Variants in PTGIR observed in about 807,000 individuals in gnomAD.
The protein encoded by PTGIR is prostacyclin receptor.
In PTGIR, 16 loss-of-function variants were observed where a neutral mutation model predicts 17.6. The ratio of observed to expected loss-of-function variants is 0.91; its 90% CI spans 0.61 to 1.38. The LOEUF is 1.38. PTGIR is among the 40% of genes most tolerant of loss of function. PTGIR has a pLI of 0.00. For missense variants in PTGIR, 532 were observed against 548.6 expected (o/e 0.97, Z 0.30); for synonymous variants, 274 against 255.4 (o/e 1.07, Z -0.69).
At chr19:46,619,561 G>A (rs530524368), downstream of PTGIR, among the ~76,000 whole-genome samples, 2,383 of 103,766 alleles carry the variant, frequency 0.023, 26 homozygotes, top group Middle Eastern at 0.052. Context: ...GAGAGAGAGA[G>A]AGAGAGAGAG....
chr19:46,623,059 G>T lies in PTGIR; in HGVS notation c.768+399C>A, dbSNP rs145322920. The stretch of plus-strand genomic sequence containing the variant: ...TGCAGTGGCACGATCTCAGCTCACT[G>T]CAACCTCCGCCTCCGGGGTTCAAGC... On this transcript the variant is annotated intron_variant, in intron 2 of 2. Coordinates refer to ENST00000291294, the MANE Select transcript of PTGIR (RefSeq NM_000960.4). 1,238 of 152,270 alleles carry T rather than the reference G, an allele frequency of 8.1e-3. 25 individuals carry two copies. Among genetic ancestry groups the T allele is most frequent in the South Asian group, 0.016 (83 of 5,044 alleles). 9.4% of individuals were successfully genotyped at this position (152,270 alleles called of 1,614,324 possible). A position where few individuals can be genotyped will look rare whatever the true frequency, so the allele number is the denominator to read the frequency against.
Position 46,620,797 on chromosome 19 carries a change from T to C in PTGIR, c.*483A>G. ...CAGCGGCAAGGGAAGGCAGGGAGCT[T>C]TTCCAATAACTGTGGTTTTTGTGGA... On this transcript the variant is annotated 3_prime_UTR_variant, in exon 3 of 3. Transcript: ENST00000291294. The C allele has an allele frequency of 1.0e-6, 1 of 986,344 alleles. No individual in the cohort carries two copies. 61.1% of individuals were successfully genotyped at this position (986,344 alleles called of 1,614,324 possible).
At chr19:46,619,551 G>GAA (rs1568675534), downstream of PTGIR, among the ~76,000 whole-genome samples, 1,364 of 66,096 alleles carry the variant, frequency 0.021, 10 homozygotes, top group East Asian at 0.027. Flanking sequence ...GAAAGAAAGA[G>GAA]AGAGAGAGAG....
intron 2 of PTGIR, 119 bp downstream of exon 2, chr19:46,623,339 A>G (rs559036068): frequency 1.6e-6 from 2 of 1,236,948 alleles, no homozygotes. Flanking sequence ...GGCGTGAGCC[A>G]CCATGCCCAC....
downstream of PTGIR, among the ~76,000 whole-genome samples, chr19:46,618,188 G>T (rs1395007798): frequency 1.3e-5 from 2 of 151,964 alleles, no homozygotes; most frequent in Non-Finnish European, 2.9e-5. Context: ...CTAATTTTTT[G>T]TATTTTTAGT....
rs1156833032 is a variant in PTGIR at position 46,624,157 on chromosome 19, C to T, written c.69G>A (p.Met23Ile). The T allele has an allele frequency of 4.6e-6, 7 of 1,515,080 alleles. No homozygotes were observed. Among genetic ancestry groups the T allele is most frequent in the Non-Finnish European group, 5.3e-6 (6 of 1,139,800 alleles). The allele number at this position is 1,515,080 out of a possible 1,614,324, so 93.9% of individuals were successfully genotyped here. The change falls in exon 2 of 3, where the codon ATG becomes ATA. Residue 23 changes from methionine to isoleucine, a missense_variant. Transcript: ENST00000291294. The stretch of plus-strand genomic sequence containing the variant: ...CGTTGCCCACCACACCGGCCACGAA[C>T]ATCAGGGTGCTGGTGGCCGGCCCCA... ...GSVGPATSTL[M>I]FVAGVVGNGL...
At chr19:46,619,553 G>A (rs1173767238), downstream of PTGIR, among the ~76,000 whole-genome samples, 2,960 of 74,624 alleles carry the variant, frequency 0.04, 42 homozygotes, top group East Asian at 0.064. Context: ...AAGAAAGAGA[G>A]AGAGAGAGAG....
the PTGIR span, chr19:46,614,338 T>C: frequency 5.2e-6 from 5 of 969,874 alleles, no homozygotes; most frequent in Non-Finnish European, 6.1e-6. Flanking sequence ...CCTGAAGAGC[T>C]GCAACTCCCA....
At chr19:46,613,725 G>A in the PTGIR span, among the ~76,000 whole-genome samples, 1 of 152,210 alleles carries the variant, frequency 6.6e-6, no homozygotes, top group Non-Finnish European at 1.5e-5. Context: ...TGCGGACCCT[G>A]CCCAGGCTTG....
In PTGIR at chr19:46,624,063, C is replaced by T. The variant is rs1436140477; in HGVS notation, c.163G>A (p.Gly55Arg). 1.9e-6 allele frequency: 3 copies of T among 1,538,856 alleles called. No individual in the cohort carries two copies. Among genetic ancestry groups the T allele is most frequent in the Non-Finnish European group, 2.6e-6 (3 of 1,145,464 alleles). The change falls in exon 2 of 3, where the codon GGA (glycine) becomes AGA (arginine). Residue 55 changes from glycine (G) to arginine (R), a missense_variant. By Grantham distance (125) the Gly-to-Arg change is moderately radical. Transcript: ENST00000291294. ...RPSAFAVLVT[G>R]LAATDLLGTS... ...CCCAGCAGGTCGGTGGCCGCCAGTCCGGTCACCAGCACCGCGAAGGCCGAG... is the reference window on the plus strand; with the variant it reads ...CCCAGCAGGTCGGTGGCCGCCAGTCTGGTCACCAGCACCGCGAAGGCCGAG...
In PTGIR at chr19:46,623,471, G is replaced by A; in HGVS notation, c.755C>T (p.Ser252Phe). The part of the protein sequence containing the change: ...ALMTVVMAVC[S>F]LPLTIRCFTQ... ...GAGGGGACTCACCGTGAGAGGCAGGGAGCACACGGCCATGACCACTGTCAT... is the reference window on the plus strand; with the variant it reads ...GAGGGGACTCACCGTGAGAGGCAGGAAGCACACGGCCATGACCACTGTCAT... The change falls in exon 2 of 3, where the codon TCC becomes TTC. Residue 252 changes from serine to phenylalanine, a missense_variant. By Grantham distance (155) the Ser-to-Phe change is radical. Transcript: ENST00000291294. The A allele has an allele frequency of 1.9e-6, 3 of 1,565,836 alleles. No individual in the cohort carries two copies. The highest frequency in any genetic ancestry group is 2.6e-6 in the Non-Finnish European group (3 of 1,153,062).
At chr19:46,619,168 T>C (rs1366712718), downstream of PTGIR, among the ~76,000 whole-genome samples, 1 of 152,040 alleles carries the variant, frequency 6.6e-6, no homozygotes. Context: ...AGGTGGATTA[T>C]CATCTCTGGA....
the PTGIR span, among the ~76,000 whole-genome samples, chr19:46,615,094 C>A: frequency 2.8e-3 from 420 of 152,238 alleles, 1 homozygote; most frequent in Non-Finnish European, 4.4e-3. Context: ...GAGGCTGAGG[C>A]CCAAGAATTG....
At chr19:46,614,223 C>T in the PTGIR span, among the ~76,000 whole-genome samples, 1 of 152,162 alleles carries the variant, frequency 6.6e-6, no homozygotes, top group African/African-American at 2.4e-5. Context: ...GCCTGGGATC[C>T]TCGGGCTCCC....
chr19:46,620,371 G>A (rs183316033), downstream of PTGIR: 545 of 942,248 alleles, frequency 5.8e-4, 10 homozygotes, highest in East Asian at 9.3e-4. Flanking sequence ...CAAAGTGCTG[G>A]GATTACAGGC....
rs766235503 is a variant in PTGIR at position 46,624,003 on chromosome 19, A to AGGCCACGAACAC, written c.211_222dup (p.Val71_Ala74dup). On this transcript the variant is annotated inframe_insertion, in exon 2 of 3. Coordinates refer to ENST00000291294, the MANE Select transcript of PTGIR (RefSeq NM_000960.4). ...CCCAGCAGGGAGCTGTTGCGCGCAT[A>AGGCCACGAACAC]GGCCACGAACACGGCCGGGCTCAGG... 6.4e-7 allele frequency: 1 copy of AGGCCACGAACAC among 1,553,056 alleles called. No individual in the cohort carries two copies. Among genetic ancestry groups the AGGCCACGAACAC allele is most frequent in the African/African-American group, 1.4e-5 (1 of 73,292 alleles).
downstream of PTGIR, among the ~76,000 whole-genome samples, chr19:46,619,649 G>GAAAGAAAGA (rs1555816631): frequency 7.3e-6 from 1 of 137,600 alleles, no homozygotes; most frequent in African/African-American, 2.8e-5. Context: ...AAGAAAGAAA[G>GAAAGAAAGA]AAAGAAAAGA....
the PTGIR span, among the ~76,000 whole-genome samples, chr19:46,615,032 A>C: frequency 0.24 from 35,572 of 151,350 alleles, 4,823 homozygotes; most frequent in African/African-American, 0.36. Flanking sequence ...CCACCCCCCC[A>C]AAAAAAATTA....
intron 2 of PTGIR, chr19:46,622,880 G>A (rs2052746048): frequency 6.6e-6 from 1 of 151,974 alleles, no homozygotes; most frequent in South Asian, 2.1e-4. Flanking sequence ...ATTTTTAAAT[G>A]TTTCATAGAG....
Sources: gnomAD v4.1 joint callset for allele counts (sites outside exome capture counted in the v4.1 genomes callset) on GRCh38, gnomAD v4.1.1 for gene constraint, MANE v1.5 for transcripts, NCBI Gene and HGNC (gene_info 2026-07-23, HGNC 2026-07-21) for gene names.